Variants in MARCHF1 observed in about 807,000 individuals in gnomAD.
MARCHF1 encodes the protein E3 ubiquitin-protein ligase MARCHF1.
A neutral mutation model predicts 54.2 loss-of-function variants in MARCHF1; 40 were observed. The observed-to-expected ratio is 0.74, with a 90% CI of 0.57 to 0.96. The LOEUF (loss-of-function observed/expected upper bound fraction) is 0.96. Among genes scored for constraint, MARCHF1 ranks in the 40% least tolerant of loss-of-function variants. The pLI is 0.00. For missense variants in MARCHF1, 586 were observed against 656.5 expected, an observed-to-expected ratio of 0.89 and a Z score of 1.17; for synonymous variants, 236 against 236.3, an observed-to-expected ratio of 1.00 and a Z score of 0.01.
At chr4:163,615,309 G>A (rs1172170981) in intron 5 of MARCHF1, among the ~76,000 whole-genome samples, 2 of 152,034 alleles carry the variant, frequency 1.3e-5, no homozygotes, top group Non-Finnish European at 2.9e-5. Context: ...TAAGGTAGAG[G>A]AAACCATTTG....
chr4:163,803,370 G>A (rs1384753813), intron 4 of MARCHF1, among the ~76,000 whole-genome samples: 4 of 150,490 alleles, frequency 2.7e-5, no homozygotes, highest in African/African-American at 1.0e-4. Flanking sequence ...ACGGGGTTTC[G>A]CCATGTTGGC....
chr4:164,232,401 A>G (rs1422677555), intron 1 of MARCHF1, among the ~76,000 whole-genome samples: 3 of 152,180 alleles, frequency 2.0e-5, no homozygotes, highest in Non-Finnish European at 4.4e-5. Context: ...CATAATGACC[A>G]AAGAGTACAT....
chr4:164,351,194 C>G (rs1201265728), intron 1 of MARCHF1, among the ~76,000 whole-genome samples: 2 of 150,632 alleles, frequency 1.3e-5, no homozygotes, highest in Non-Finnish European at 3.0e-5. Flanking sequence ...TAGGGGCGCC[C>G]GCCATTGCCC....
intron 3 of MARCHF1, among the ~76,000 whole-genome samples, chr4:163,986,509 C>T (rs1046227373): frequency 9.9e-5 from 15 of 151,926 alleles, no homozygotes; most frequent in East Asian, 1.9e-4. Context: ...TTGTGATCCG[C>T]CCGCCTCGGC....
intron 4 of MARCHF1, among the ~76,000 whole-genome samples, chr4:163,780,240 G>C (rs1286616854): frequency 6.6e-6 from 1 of 152,154 alleles, no homozygotes; most frequent in African/African-American, 2.4e-5. Flanking sequence ...CTTCCTTAAT[G>C]CCTTTCTCAT....
intron 4 of MARCHF1, among the ~76,000 whole-genome samples, chr4:163,836,270 G>T (rs1025800351): frequency 6.7e-6 from 1 of 149,968 alleles, no homozygotes; most frequent in Non-Finnish European, 1.5e-5. Context: ...TTTAGAGATG[G>T]AGTCTCGCTC....
chr4:164,292,715 TATAAA>T (rs763253389), intron 1 of MARCHF1, among the ~76,000 whole-genome samples: 16 of 152,192 alleles, frequency 1.1e-4, no homozygotes, highest in Non-Finnish European at 1.5e-4. Flanking sequence ...CGTTAAAATG[TATAAA>T]ATAAGTGCAT....
At chr4:164,205,489 A>G (rs1731581028) in intron 1 of MARCHF1, among the ~76,000 whole-genome samples, 1 of 152,210 alleles carries the variant, frequency 6.6e-6, no homozygotes, top group African/African-American at 2.4e-5. Flanking sequence ...ACTAACAGGA[A>G]ACAGGCATGT....
rs185799353 is a variant in MARCHF1 at position 163,923,167 on chromosome 4, T to C, written c.-39+65334A>G. Among the ~76,000 whole-genome samples the C allele has an allele frequency of 7.3e-3, 1,064 of 145,210 alleles. 11 individuals are homozygous for C. The highest frequency in any genetic ancestry group is 0.035 in the East Asian group (179 of 5,170). On this transcript the variant is annotated intron_variant, in intron 3 of 9. Transcript: ENST00000514618. Reference sequence around the variant, plus strand: ...AATACTTTATGTAATTCCTTGGGAATACATTTTGAAAGATTAATGGAACTC... The same window carrying C: ...AATACTTTATGTAATTCCTTGGGAACACATTTTGAAAGATTAATGGAACTC...
At chr4:163,622,341 G>C (rs746856220) in intron 5 of MARCHF1, among the ~76,000 whole-genome samples, 1 of 151,838 alleles carries the variant, frequency 6.6e-6, no homozygotes, top group South Asian at 2.1e-4. Flanking sequence ...ACTCTAAACA[G>C]AAGTCCCTGC....
chr4:163,750,513 A>AAAT (rs1554010358), intron 4 of MARCHF1, among the ~76,000 whole-genome samples: 3 of 142,996 alleles, frequency 2.1e-5, no homozygotes, highest in South Asian at 2.3e-4. Flanking sequence ...TCTGTCTCAA[A>AAAT]AAATAAATAA....
intron 1 of MARCHF1, chr4:164,197,400 T>G (rs1272824039): frequency 6.2e-7 from 1 of 1,613,474 alleles, no homozygotes; most frequent in Non-Finnish European, 8.5e-7. Context: ...ACTGTTTCAG[T>G]GGCTCTATTG....
intron 1 of MARCHF1, among the ~76,000 whole-genome samples, chr4:164,359,472 G>A (rs1383323852): frequency 6.6e-6 from 1 of 152,102 alleles, no homozygotes; most frequent in East Asian, 1.9e-4. Context: ...ATGGTATGAT[G>A]CTTAGTCAAG....
chr4:164,351,068 G>C (rs193246433), intron 1 of MARCHF1, among the ~76,000 whole-genome samples: 1 of 152,178 alleles, frequency 6.6e-6, no homozygotes. Flanking sequence ...CTTAAAAAAC[G>C]GCGCACCACA....
At chr4:163,952,240 C>T (rs1265578889) in intron 3 of MARCHF1, among the ~76,000 whole-genome samples, 1 of 152,156 alleles carries the variant, frequency 6.6e-6, no homozygotes, top group Non-Finnish European at 1.5e-5. Flanking sequence ...TTATTTCACA[C>T]ATTCTTTTAT....
In MARCHF1 at chr4:163,874,844, T is replaced by G. The variant is rs28576540; in HGVS notation, c.-38-20675A>C. Among the ~76,000 whole-genome samples, 753 of 152,296 alleles carry G rather than the reference T, an allele frequency of 4.9e-3. 9 individuals carry two copies. The highest frequency in any genetic ancestry group is 0.016 in the African/African-American group (676 of 41,578). On this transcript the variant is annotated intron_variant, in intron 3 of 9. Transcript: ENST00000514618. The stretch of plus-strand genomic sequence containing the variant: ...TGAGTTGCTAAAATGCCCAGAAAAC[T>G]TCTGGACTTTACTTACTTGCCTTTG...
rs1470378657 is a variant in MARCHF1, at chr4:163,772,820, G to T, written c.112-71957C>A. 2.0e-5 allele frequency among the ~76,000 whole-genome samples: 3 copies of T among 147,132 alleles called. No individual in the cohort carries two copies. In the South Asian group the frequency reaches 6.6e-4, roughly 32 times the overall value. The stretch of plus-strand genomic sequence containing the variant: ...TCACATCTCTTGGGATTATGTGGAG[G>T]AGGGGCAGGAAATCTTGGAGAGCAT... On this transcript the variant is annotated intron_variant, in intron 4 of 9. Coordinates refer to ENST00000514618, the MANE Select transcript of MARCHF1 (RefSeq NM_001394959.1).
chr4:163,894,906 CATAT>C (rs374305405), intron 3 of MARCHF1, among the ~76,000 whole-genome samples: 121 of 2,576 alleles, frequency 0.047, 16 homozygotes, highest in South Asian at 0.079. Context: ...GCATGTGATG[CATAT>C]ATATATATAT....
intron 2 of MARCHF1, among the ~76,000 whole-genome samples, chr4:164,039,502 A>T (rs535875522): frequency 6.6e-6 from 1 of 152,320 alleles, no homozygotes; most frequent in South Asian, 2.1e-4. Context: ...ATGCAATTAC[A>T]GTTAAGAACA....
Sources: gnomAD v4.1 joint callset for allele counts (sites outside exome capture counted in the v4.1 genomes callset) on GRCh38, gnomAD v4.1.1 for gene constraint, MANE v1.5 for transcripts, NCBI Gene and HGNC (gene_info 2026-07-23, HGNC 2026-07-21) for gene names.